The following ATG13 variants were observed in gnomAD, a reference collection of about 807,000 sequenced individuals.
ATG13 encodes the protein autophagy related 13, also known as autophagy-related protein 13.
A neutral mutation model predicts 65.5 loss-of-function variants in ATG13; 23 were observed. The ratio of observed to expected loss-of-function variants is 0.35; its 90% CI spans 0.25 to 0.50. The LOEUF (loss-of-function observed/expected upper bound fraction) is 0.50. ATG13 is among the 20% of genes least tolerant of loss of function. ATG13 has a pLI of 0.98. For synonymous variants in ATG13, 252 were observed against 245.2 expected, an observed-to-expected ratio of 1.03 and a Z score of -0.26; for missense variants, 566 against 677.0, an observed-to-expected ratio of 0.84 and a Z score of 1.82.
At chr11:46,669,352 A>G in intron 17 of ATG13, 52 bp from the exon 18 acceptor site, 1 of 1,603,718 alleles carries the variant, frequency 6.2e-7, no homozygotes, top group Non-Finnish European at 8.5e-7. Context: ...TTCATAGCTT[A>G]TCTCCTCTGT....
chr11:46,650,602 GTTTTA>G (rs2058693574), intron 7 of ATG13, among the ~76,000 whole-genome samples: 1 of 152,120 alleles, frequency 6.6e-6, no homozygotes, highest in South Asian at 2.1e-4. Context: ...GAAGTCAAGA[GTTTTA>G]TTTATTTATT....
In ATG13 at chr11:46,672,578, C is replaced by A; in HGVS notation, c.*246C>A. ...CTTGGAGATGGGAAGAACCTTCGTA[C>A]GAAAAAGCCCTCAGCAGGGCCATCT... On this transcript the variant is annotated 3_prime_UTR_variant, in exon 19 of 19. Transcript: ENST00000683050. The A allele has an allele frequency of 7.0e-7, 1 of 1,419,652 alleles. No homozygotes were observed. The highest frequency in any genetic ancestry group is 1.3e-5 in the South Asian group (1 of 78,484). The allele number at this position is 1,419,652 out of a possible 1,614,324, so 87.9% of individuals were successfully genotyped here. A position where few individuals can be genotyped will look rare whatever the true frequency, so the allele number is the denominator to read the frequency against.
chr11:46,667,687 A>G, intron 14 of ATG13, 86 bp from the exon 15 acceptor site: 1 of 1,045,976 alleles, frequency 9.6e-7, no homozygotes, highest in South Asian at 1.6e-5. Flanking sequence ...CCTAGGCCAC[A>G]GCCCCACCAG....
At chr11:46,655,369 G>A (rs2059829260) in intron 7 of ATG13, among the ~76,000 whole-genome samples, 1 of 152,070 alleles carries the variant, frequency 6.6e-6, no homozygotes, top group Non-Finnish European at 1.5e-5. Context: ...CTGCACTCCA[G>A]CCAGGGCGAC....
intron 1 of ATG13, chr11:46,625,510 TGCCTCG>T (rs1470776387): frequency 1.3e-5 from 2 of 152,144 alleles, no homozygotes; most frequent in Non-Finnish European, 2.9e-5. Flanking sequence ...GCTATCCTCC[TGCCTCG>T]GCCTCCTAAA....
intron 2 of ATG13, among the ~76,000 whole-genome samples, chr11:46,636,263 C>T (rs2053912045): frequency 6.6e-6 from 1 of 151,928 alleles, no homozygotes; most frequent in African/African-American, 2.4e-5. Flanking sequence ...TTTAGATATC[C>T]CTATCCTGGG....
chr11:46,665,314 C>G, intron 13 of ATG13, 69 bp from the exon 14 acceptor site: 1 of 1,557,576 alleles, frequency 6.4e-7, no homozygotes, highest in South Asian at 1.2e-5. Context: ...TACCATCATG[C>G]TAGAATGTGA....
chr11:46,617,770 G>T lies in ATG13; in HGVS notation c.-190G>T. 1 of 399,096 alleles carries T rather than the reference G, an allele frequency of 2.5e-6. No homozygotes were observed. The highest frequency in any genetic ancestry group is 4.4e-6 in the Non-Finnish European group (1 of 226,124). The allele number at this position is 399,096 out of a possible 1,614,324, so 24.7% of individuals were successfully genotyped here. A position where few individuals can be genotyped will look rare whatever the true frequency, so the allele number is the denominator to read the frequency against. On this transcript the variant is annotated 5_prime_UTR_variant, in exon 1 of 19. Coordinates refer to ENST00000683050, the MANE Select transcript of ATG13 (RefSeq NM_001346311.2). ...GAAGCCTTAGGTGTCTATCGGCGAC[G>T]TGTACGGTCACTGCAGCTCCGGAGC...
chr11:46,673,911 C>G lies in ATG13; in HGVS notation c.*1579C>G, dbSNP rs780229977. On this transcript the variant is annotated 3_prime_UTR_variant, in exon 19 of 19. Transcript: ENST00000683050. ...CTGCATGTGACACTGTTCCCACATACAAGGCTGACTTCTGAGGATTGGAGC... is the reference window on the plus strand; with the variant it reads ...CTGCATGTGACACTGTTCCCACATAGAAGGCTGACTTCTGAGGATTGGAGC... The G allele has an allele frequency of 6.6e-6, 1 of 152,212 alleles. No individual in the cohort carries two copies. The highest frequency in any genetic ancestry group is 1.5e-5 in the Non-Finnish European group (1 of 68,042). 9.4% of individuals were successfully genotyped at this position (152,212 alleles called of 1,614,324 possible).
At position 46,673,427 on chromosome 11, in the gene ATG13, G is replaced by A. The variant is rs997593166; in HGVS notation, c.*1095G>A. ...CCTTACATCTCCCACAGTTTCTGCA[G>A]AGTGACTGACTCCATTCTGGCAGCC... On this transcript the variant is annotated 3_prime_UTR_variant, in exon 19 of 19. Transcript: ENST00000683050. 2 of 152,294 alleles carry A rather than the reference G, an allele frequency of 1.3e-5. No individual in the cohort carries two copies. Among genetic ancestry groups the A allele is most frequent in the African/African-American group, 4.8e-5 (2 of 41,448 alleles). 9.4% of individuals were successfully genotyped at this position (152,294 alleles called of 1,614,324 possible). A position where few individuals can be genotyped will look rare whatever the true frequency, so the allele number is the denominator to read the frequency against.
chr11:46,658,895 G>T (rs113555703), intron 10 of ATG13, among the ~76,000 whole-genome samples: 2,741 of 152,152 alleles, frequency 0.018, 89 homozygotes, highest in African/African-American at 0.063. Context: ...AAGATGTTTG[G>T]GTTTAAAAAA....
chr11:46,643,589 C>G (rs1240551515), intron 2 of ATG13, among the ~76,000 whole-genome samples: 1 of 150,196 alleles, frequency 6.7e-6, no homozygotes, highest in Non-Finnish European at 1.5e-5. Flanking sequence ...CAAATCATCT[C>G]AAATCATTTC....
At chr11:46,656,947 A>T (rs1244501460) in intron 8 of ATG13, 148 bp from the exon 9 acceptor site, 4 of 684,004 alleles carry the variant, frequency 5.8e-6, no homozygotes. Flanking sequence ...ACACACACAC[A>T]CATATGAAAT....
At chr11:46,655,256 G>A (rs559380767) in intron 7 of ATG13, among the ~76,000 whole-genome samples, 12 of 152,182 alleles carry the variant, frequency 7.9e-5, no homozygotes, top group African/African-American at 1.2e-4. Context: ...AAAATTAGCC[G>A]GGCGCGGTGG....
chr11:46,620,238 C>A (rs529273308), intron 1 of ATG13, among the ~76,000 whole-genome samples: 1 of 150,428 alleles, frequency 6.6e-6, no homozygotes, highest in African/African-American at 2.4e-5. Context: ...GGATTACAGG[C>A]GCCCGCCACC....
chr11:46,646,117 T>A, intron 5 of ATG13, 128 bp downstream of exon 5: 1 of 1,279,766 alleles, frequency 7.8e-7, no homozygotes, highest in Middle Eastern at 2.2e-4. Context: ...TCTGAGGGGG[T>A]CATAGTTTTT....
chr11:46,662,088 T>C (rs1025660885), intron 11 of ATG13, among the ~76,000 whole-genome samples: 7 of 152,310 alleles, frequency 4.6e-5, no homozygotes, highest in African/African-American at 1.7e-4. Flanking sequence ...TCTTGTATGC[T>C]TACTGACACA....
intron 5 of ATG13, 23 bp from the exon 6 acceptor site, chr11:46,649,114 T>C: frequency 1.2e-6 from 2 of 1,602,980 alleles, no homozygotes; most frequent in Non-Finnish European, 1.7e-6. Context: ...TAAACAAATA[T>C]TTTAAATTTG....
intron 5 of ATG13, among the ~76,000 whole-genome samples, chr11:46,648,190 G>C (rs1437679856): frequency 6.6e-6 from 1 of 151,926 alleles, no homozygotes; most frequent in African/African-American, 2.4e-5. Context: ...TCCCCTCCTG[G>C]GTTCAAGCGA....
Sources: allele counts gnomAD v4.1 joint callset (sites outside exome capture counted in the v4.1 genomes callset), GRCh38; gene constraint gnomAD v4.1.1; transcripts MANE v1.5; gene names NCBI Gene and HGNC (gene_info 2026-07-23, HGNC 2026-07-21).